Variants in RAF1 observed in about 807,000 individuals in gnomAD.
RAF1 encodes Raf-1 proto-oncogene, serine/threonine kinase.
A neutral mutation model predicts 81.1 loss-of-function variants in RAF1; 27 were observed. The ratio of observed to expected loss-of-function variants is 0.33; its 90% CI spans 0.25 to 0.46. The LOEUF (loss-of-function observed/expected upper bound fraction) is 0.46. Ranked by LOEUF, RAF1 falls within the 20% of genes least tolerant of loss-of-function variation. RAF1 has a pLI of 1.00. For missense variants in RAF1, 598 were observed against 826.0 expected, an observed-to-expected ratio of 0.72 and a Z score of 3.38; for synonymous variants, 298 against 294.0, an observed-to-expected ratio of 1.01 and a Z score of -0.14.
At chr3:12,606,703 C>T (rs576172621) in intron 5 of RAF1, among the ~76,000 whole-genome samples, 69 of 151,144 alleles carry the variant, frequency 4.6e-4, no homozygotes, top group Non-Finnish European at 8.2e-4. Context: ...AGCTAATTTT[C>T]GTATTTTTTT....
rs557313743 is a variant in RAF1, at chr3:12,653,997, T to C, written c.-27+9816A>G. ...ACTATTCATCTTTTCTTTTTCTTTTTTTTTTTTTTCAAGAGACAGCATCTT... is the reference window on the plus strand; with the variant it reads ...ACTATTCATCTTTTCTTTTTCTTTTCTTTTTTTTTCAAGAGACAGCATCTT... On this transcript the variant is annotated intron_variant, in intron 1 of 17. Coordinates refer to ENST00000442415, the MANE Select transcript of RAF1 (RefSeq NM_001354689.3). Among the ~76,000 whole-genome samples the C allele has an allele frequency of 2.4e-3, 359 of 151,414 alleles. 9 individuals are homozygous for C. Among genetic ancestry groups the C allele is most frequent in the Admixed American group, 0.023 (348 of 15,244 alleles).
chr3:12,607,465 T>C (rs1025954094), intron 5 of RAF1, among the ~76,000 whole-genome samples: 1 of 152,036 alleles, frequency 6.6e-6, no homozygotes, highest in Non-Finnish European at 1.5e-5. Context: ...CTGGGCAACA[T>C]GCTGAAACCC....
In RAF1 at chr3:12,606,163, A is replaced by G. The variant is rs756480033; in HGVS notation, c.680+38T>C. The stretch of plus-strand genomic sequence containing the variant: ...CAAGCTTCCAACCCCACCACCCCAA[A>G]TAACTTTCTAAAAGAAAAGCTATAG... On this transcript the variant is annotated intron_variant, in intron 6 of 17. Transcript: ENST00000442415. 5.3e-6 allele frequency: 8 copies of G among 1,520,156 alleles called. No homozygotes were observed. In the Admixed American group the frequency reaches 1.0e-4, roughly 19 times the overall value. The allele number at this position is 1,520,156 out of a possible 1,614,324, so 94.2% of individuals were successfully genotyped here.
At chr3:12,605,669 T>C (rs1224569062) in intron 6 of RAF1, among the ~76,000 whole-genome samples, 1 of 152,174 alleles carries the variant, frequency 6.6e-6, no homozygotes, top group African/African-American at 2.4e-5. Flanking sequence ...CAAAACTGAT[T>C]ATAAAGCTGG....
Position 12,604,259 on chromosome 3 carries a change from G to A in RAF1, c.711C>T (p.Ala237=). The A allele has an allele frequency of 1.2e-6, 2 of 1,614,196 alleles. No homozygotes were observed. The highest frequency in any genetic ancestry group is 1.3e-5 in the African/African-American group (1 of 75,050). Reference sequence around the variant, plus strand: ...AGGGACTGGAGGTGTTAAAGGTGAAGGCGTGAGGTGTAGAATATCTGTGCT... The same window carrying A: ...AGGGACTGGAGGTGTTAAAGGTGAAAGCGTGAGGTGTAGAATATCTGTGCT... Residue 237 remains alanine (A), a synonymous_variant, in exon 7 of 18, where the codon GCC becomes GCT. Transcript: ENST00000442415.
rs1057520880 is a variant in RAF1 at position 12,611,961 on chromosome 3, G to C, written c.309C>G (p.His103Gln). The change falls in exon 3 of 18, where the codon CAC becomes CAG. Residue 103 changes from histidine to glutamine, a missense_variant. By Grantham distance (24) the His-to-Gln change is conservative. Around this residue, in one of 5 missense-constraint regions of RAF1, gnomAD observed 89 missense variants for 169.2 expected, o/e 0.53. Transcript: ENST00000442415. ...TTTTGAGCTCTTACCCTTTGTGTTC[G>C]TGGAGAAGTCTGAACACTGCACAGC... 5.0e-6 allele frequency: 8 copies of C among 1,613,742 alleles called. No individual in the cohort carries two copies. Among genetic ancestry groups the C allele is most frequent in the Non-Finnish European group, 6.8e-6 (8 of 1,179,676 alleles).
intron 1 of RAF1, among the ~76,000 whole-genome samples, chr3:12,634,542 C>T (rs766927488): frequency 1.2e-4 from 19 of 152,060 alleles, no homozygotes; most frequent in Admixed American, 3.3e-4. Context: ...AGGAAAGAAG[C>T]GAAGGAAATC....
intron 11 of RAF1, among the ~76,000 whole-genome samples, chr3:12,596,288 G>C (rs1013875328): frequency 6.6e-6 from 1 of 151,562 alleles, no homozygotes; most frequent in African/African-American, 2.4e-5. Flanking sequence ...TCGCCTCCTG[G>C]GTTCAAGCAA....
Position 12,647,306 on chromosome 3 carries a change from A to G in RAF1, c.-27+16507T>C, listed in dbSNP as rs544972638. On this transcript the variant is annotated intron_variant, in intron 1 of 17. Coordinates refer to ENST00000442415, the MANE Select transcript of RAF1 (RefSeq NM_001354689.3). ...GCGAGACTCCATCTCAAAAAAAAAA[A>G]AAAAGAAATTCAGGCCAGGCATGGT... Among the ~76,000 whole-genome samples, 294 of 151,262 alleles carry G rather than the reference A, an allele frequency of 1.9e-3. 1 individual carries two copies. The highest frequency in any genetic ancestry group is 6.2e-3 in the African/African-American group (256 of 41,230).
At chr3:12,638,439 T>C (rs539596142) in intron 1 of RAF1, among the ~76,000 whole-genome samples, 9 of 152,312 alleles carry the variant, frequency 5.9e-5, no homozygotes, top group East Asian at 1.9e-4. Context: ...AGGATAATGA[T>C]TGGCTGGCAG....
At position 12,615,278 on chromosome 3, in the gene RAF1, G is replaced by A. The variant is rs1270330800; in HGVS notation, c.208-3216C>T. 3.3e-5 allele frequency among the ~76,000 whole-genome samples: 5 copies of A among 152,140 alleles called. 1 individual carries two copies. The highest frequency in any genetic ancestry group is 7.3e-5 in the Non-Finnish European group (5 of 68,032). ...AGCAATAGCAGCAACAGCAGCAGGA[G>A]GAAGTCAAAGAGGCACACATTTAGA... is the stretch of plus-strand genomic sequence containing the variant. On this transcript the variant is annotated intron_variant, in intron 2 of 17. Coordinates refer to ENST00000442415, the MANE Select transcript of RAF1 (RefSeq NM_001354689.3).
At chr3:12,609,055 CA>C in intron 4 of RAF1, 132 bp from the exon 5 acceptor site, 1 of 1,166,446 alleles carries the variant, frequency 8.6e-7, no homozygotes, top group Admixed American at 2.0e-5. Context: ...TTCATAATCA[CA>C]AATTAGAGTA....
intron 11 of RAF1, among the ~76,000 whole-genome samples, chr3:12,595,727 G>T (rs1297118492): frequency 6.6e-6 from 1 of 151,984 alleles, no homozygotes; most frequent in East Asian, 1.9e-4. Flanking sequence ...TTTCTTGGCA[G>T]ATTCCTCCCT....
In RAF1 at chr3:12,633,760, C is replaced by T. The variant is rs972367546; in HGVS notation, c.-26-15013G>A. Reference sequence around the variant, plus strand: ...ACCAGCCTGGCCAACATGGTGAAACCCTGTCTCTACTAAAAAATACAAAAA... The same window carrying T: ...ACCAGCCTGGCCAACATGGTGAAACTCTGTCTCTACTAAAAAATACAAAAA... On this transcript the variant is annotated intron_variant, in intron 1 of 17. Transcript: ENST00000442415. 4.1e-4 allele frequency among the ~76,000 whole-genome samples: 62 copies of T among 151,734 alleles called. 1 individual carries two copies. The highest frequency in any genetic ancestry group is 1.5e-3 in the African/African-American group (62 of 41,462).
intron 1 of RAF1, among the ~76,000 whole-genome samples, chr3:12,626,004 G>T (rs9874216): frequency 6.6e-6 from 1 of 151,510 alleles, no homozygotes; most frequent in Admixed American, 6.6e-5. Flanking sequence ...AGTGGCTCAC[G>T]CCTGTAATCC....
intron 1 of RAF1, among the ~76,000 whole-genome samples, chr3:12,637,043 A>AGT (rs1294769878): frequency 1.3e-5 from 2 of 152,190 alleles, no homozygotes; most frequent in Non-Finnish European, 2.9e-5. Context: ...TGAATAAGAT[A>AGT]GTGTATATAA....
chr3:12,631,627 T>C (rs1438683951), intron 1 of RAF1, among the ~76,000 whole-genome samples: 2 of 152,162 alleles, frequency 1.3e-5, no homozygotes, highest in Non-Finnish European at 2.9e-5. Flanking sequence ...AACACAATTG[T>C]TCAGTAGTGT....
intron 2 of RAF1, 62 bp from the exon 3 acceptor site, chr3:12,612,124 C>A: frequency 7.5e-7 from 1 of 1,328,198 alleles, no homozygotes; most frequent in Non-Finnish European, 1.1e-6. Flanking sequence ...GAAAGGTGGG[C>A]ACAGAAATAA....
chr3:12,618,812 TAA>T lies in RAF1; in HGVS notation c.-26-67_-26-66del, dbSNP rs1426842047. On this transcript the variant is annotated intron_variant, in intron 1 of 17. Coordinates refer to ENST00000442415, the MANE Select transcript of RAF1 (RefSeq NM_001354689.3). ...GTATTCAACCCAAGAACACAATACA[TAA>T]AGAGTAATTATGAAAATAGCACTAT... is the stretch of plus-strand genomic sequence containing the variant. The T allele has an allele frequency of 2.3e-5, 28 of 1,236,098 alleles. No homozygotes were observed. The East Asian group carries it at 6.6e-4, about 29-fold the overall frequency. The allele number at this position is 1,236,098 out of a possible 1,614,324, so 76.6% of individuals were successfully genotyped here.
Sources: allele counts gnomAD v4.1 joint callset (sites outside exome capture counted in the v4.1 genomes callset), GRCh38; gene constraint gnomAD v4.1.1; regional missense constraint gnomAD v4.1.1; transcripts MANE v1.5; gene names NCBI Gene and HGNC (gene_info 2026-07-23, HGNC 2026-07-21).